DPP6: variants seen among roughly 807,000 people sequenced by gnomAD.
DPP6 encodes the protein dipeptidyl peptidase like 6, also known as A-type potassium channel modulatory protein DPP6.
A neutral mutation model predicts 122.6 loss-of-function variants in DPP6; 69 were observed. The observed-to-expected ratio is 0.56, with a 90% CI of 0.46 to 0.69. The LOEUF is 0.69. DPP6 is among the 30% of genes least tolerant of loss of function. The pLI is 0.00. For missense variants in DPP6, 928 were observed against 1,116.9 expected, an observed-to-expected ratio of 0.83 and a Z score of 2.41; for synonymous variants, 418 against 433.1, an observed-to-expected ratio of 0.97 and a Z score of 0.43.
rs560286401 is a variant in DPP6 at position 153,924,754 on chromosome 7, T to A, written c.51+37020T>A. ...CCAGATTGAAAGAGCAGAGGGTTCC[T>A]GAGTCCCAGGTGTTGCAGGACGTTG... On this transcript the variant is annotated intron_variant, in intron 1 of 25. Transcript: ENST00000404039. 3.9e-5 allele frequency among the ~76,000 whole-genome samples: 6 copies of A among 152,320 alleles called. No individual in the cohort carries two copies. The South Asian group carries it at 1.2e-3, about 32-fold the overall frequency.
At chr7:154,789,812 TC>T (rs1360330478) in intron 10 of DPP6, among the ~76,000 whole-genome samples, 2 of 152,222 alleles carry the variant, frequency 1.3e-5, no homozygotes, top group Non-Finnish European at 2.9e-5. Flanking sequence ...GCCTACCTTG[TC>T]CCCAGAAAGC....
At chr7:153,961,624 TTTCTTA>T (rs1237845106) in intron 1 of DPP6, among the ~76,000 whole-genome samples, 5 of 151,840 alleles carry the variant, frequency 3.3e-5, no homozygotes, top group Non-Finnish European at 7.4e-5. Flanking sequence ...GTGCACTTTA[TTTCTTA>T]TTCTTATTAC....
chr7:154,826,459 T>A, intron 16 of DPP6, among the ~76,000 whole-genome samples: 1 of 152,174 alleles, frequency 6.6e-6, no homozygotes, highest in Non-Finnish European at 1.5e-5. Flanking sequence ...AATTGTTCAG[T>A]GGTTATTATT....
chr7:154,262,362 C>T (rs1563383336), intron 1 of DPP6, among the ~76,000 whole-genome samples: 1 of 152,116 alleles, frequency 6.6e-6, no homozygotes, highest in Non-Finnish European at 1.5e-5. Flanking sequence ...GTGGAACTTA[C>T]TCTAATATGA....
intron 1 of DPP6, among the ~76,000 whole-genome samples, chr7:153,943,891 A>G (rs1053351858): frequency 6.6e-6 from 1 of 152,206 alleles, no homozygotes; most frequent in Admixed American, 6.5e-5. Flanking sequence ...GCAAAAGGGA[A>G]TTTAAAAGAA....
chr7:154,535,751 C>G (rs1034356239), intron 3 of DPP6, among the ~76,000 whole-genome samples: 6 of 151,692 alleles, frequency 4.0e-5, no homozygotes, highest in Admixed American at 3.3e-4. Context: ...TGCAAATCAC[C>G]CATAATCACA....
At chr7:154,351,986 C>T (rs1479698111) in intron 1 of DPP6, among the ~76,000 whole-genome samples, 5 of 152,228 alleles carry the variant, frequency 3.3e-5, no homozygotes, top group Middle Eastern at 3.4e-3. Context: ...GACCAGCCTG[C>T]TCCTATAGCA....
chr7:154,713,348 T>C (rs1433137024), intron 7 of DPP6, among the ~76,000 whole-genome samples: 1 of 152,208 alleles, frequency 6.6e-6, no homozygotes, highest in Non-Finnish European at 1.5e-5. Flanking sequence ...TTCTCACAGT[T>C]CCACTATGCA....
chr7:154,584,251 C>T (rs979619061), intron 5 of DPP6, among the ~76,000 whole-genome samples: 5 of 152,190 alleles, frequency 3.3e-5, no homozygotes, highest in South Asian at 2.1e-4. Context: ...CCTTTGCAGG[C>T]GCTGTTCCCT....
intron 7 of DPP6, among the ~76,000 whole-genome samples, chr7:154,682,785 G>A (rs766174249): frequency 1.3e-5 from 2 of 152,174 alleles, no homozygotes; most frequent in African/African-American, 2.4e-5. Flanking sequence ...GCCCTTTGAC[G>A]TGGGTATTTG....
chr7:154,197,178 T>G (rs1048547908), intron 1 of DPP6, among the ~76,000 whole-genome samples: 1 of 151,778 alleles, frequency 6.6e-6, no homozygotes, highest in African/African-American at 2.4e-5. Context: ...CTTTATTCAT[T>G]GATATTGTGA....
chr7:154,073,627 G>A (rs1404349229), intron 1 of DPP6, among the ~76,000 whole-genome samples: 3 of 152,184 alleles, frequency 2.0e-5, no homozygotes, highest in Non-Finnish European at 4.4e-5. Flanking sequence ...CAAAATAATT[G>A]CAATGTGTAA....
chr7:153,865,362 G>A, the DPP6 span, among the ~76,000 whole-genome samples: 1 of 152,136 alleles, frequency 6.6e-6, no homozygotes, highest in Non-Finnish European at 1.5e-5. Flanking sequence ...AGATTTTAAT[G>A]AAGATGGTAG....
intron 1 of DPP6, among the ~76,000 whole-genome samples, chr7:154,260,742 A>G (rs952639337): frequency 2.7e-5 from 4 of 147,810 alleles, no homozygotes; most frequent in African/African-American, 9.9e-5. Flanking sequence ...ATATATGTAT[A>G]ATATATATAT....
chr7:154,409,582 C>T (rs567013292), intron 1 of DPP6, among the ~76,000 whole-genome samples: 19 of 152,318 alleles, frequency 1.2e-4, no homozygotes, highest in South Asian at 2.1e-4. Context: ...CCAGCTTTGA[C>T]GTGGTCTCCC....
At chr7:154,229,939 A>G (rs536485015) in intron 1 of DPP6, among the ~76,000 whole-genome samples, 2 of 152,328 alleles carry the variant, frequency 1.3e-5, no homozygotes, top group South Asian at 2.1e-4. Flanking sequence ...AACTTTTTGA[A>G]GAACTTACAT....
At position 153,981,126 on chromosome 7, in the gene DPP6, G is replaced by A. The variant is rs547544936; in HGVS notation, c.51+93392G>A. Among the ~76,000 whole-genome samples, 153 of 152,280 alleles carry A rather than the reference G, an allele frequency of 1.0e-3. 1 individual carries two copies. Among genetic ancestry groups the A allele is most frequent in the African/African-American group, 3.6e-3 (149 of 41,556 alleles). ...TGTTAATTTTATGTCTCCTTCATCT[G>A]TCTAATATTGACAGTGAGATGTTGA... is the stretch of plus-strand genomic sequence containing the variant. On this transcript the variant is annotated intron_variant, in intron 1 of 25. Transcript: ENST00000404039.
At chr7:153,914,620 T>A (rs1800228171) in intron 1 of DPP6, among the ~76,000 whole-genome samples, 1 of 152,250 alleles carries the variant, frequency 6.6e-6, no homozygotes, top group Non-Finnish European at 1.5e-5. Context: ...TCTAATTTTA[T>A]AACATTCACT....
intron 16 of DPP6, 60 bp from the exon 17 acceptor site, chr7:154,853,720 C>A: frequency 1.3e-6 from 2 of 1,485,026 alleles, no homozygotes; most frequent in South Asian, 2.5e-5. Context: ...TTTTCTTGTT[C>A]TCGGCTAAAC....
Sources: gnomAD v4.1 joint callset for allele counts (sites outside exome capture counted in the v4.1 genomes callset) on GRCh38, gnomAD v4.1.1 for gene constraint, MANE v1.5 for transcripts, NCBI Gene and HGNC (gene_info 2026-07-23, HGNC 2026-07-21) for gene names.